BANF2: variants seen among roughly 807,000 people sequenced by gnomAD.
The protein encoded by BANF2 is BANF family member 2, also known as barrier-to-autointegration factor-like protein.
A neutral mutation model predicts 8.0 loss-of-function variants in BANF2; 4 were observed. The observed-to-expected ratio is 0.50, with a 90% CI of 0.25 to 1.14. The LOEUF (loss-of-function observed/expected upper bound fraction) is 1.14. Among genes scored for constraint, BANF2 ranks in the 50% most tolerant of loss-of-function variants. The probability of loss-of-function intolerance (pLI) is 0.16; values close to 1 mark genes in which losing one functional copy is unlikely to be tolerated. For missense variants in BANF2, 96 were observed against 107.5 expected, an observed-to-expected ratio of 0.89 and a Z score of 0.47; for synonymous variants, 50 against 40.6, an observed-to-expected ratio of 1.23 and a Z score of -0.88.
chr20:17,708,331 A>C (rs2037517023), intron 1 of BANF2, among the ~76,000 whole-genome samples: 1 of 152,232 alleles, frequency 6.6e-6, no homozygotes, highest in Non-Finnish European at 1.5e-5. Flanking sequence ...TTTTTCTTGA[A>C]GGAAGGTCCA....
At chr20:17,698,709 AC>A (rs1352225514), upstream of BANF2, among the ~76,000 whole-genome samples, 1 of 152,224 alleles carries the variant, frequency 6.6e-6, no homozygotes, top group Non-Finnish European at 1.5e-5. Context: ...TTACCTTTGT[AC>A]AATGAAGTTG....
At chr20:17,710,944 G>T (rs1278066299) in intron 1 of BANF2, among the ~76,000 whole-genome samples, 1 of 151,972 alleles carries the variant, frequency 6.6e-6, no homozygotes, top group Admixed American at 6.6e-5. Flanking sequence ...TGGGGCGGGG[G>T]CGGGGGCGCC....
At chr20:17,726,121 G>A (rs1196148428) in intron 3 of BANF2, among the ~76,000 whole-genome samples, 1 of 152,178 alleles carries the variant, frequency 6.6e-6, no homozygotes, top group African/African-American at 2.4e-5. Context: ...CCTGCCAGAC[G>A]AAGGAGGGAG....
intron 1 of BANF2, among the ~76,000 whole-genome samples, chr20:17,716,975 C>T (rs1159343966): frequency 1.3e-5 from 2 of 152,118 alleles, no homozygotes; most frequent in East Asian, 3.9e-4. Context: ...CCTTGGCCTC[C>T]CAAATTGTTG....
Position 17,702,230 on chromosome 20 carries a change from T to C in BANF2, c.-167+2175T>C, listed in dbSNP as rs141732734. ...TTTCCCTAAGGCAAACTGCCATCGATGTGCCAAGTTCCACAGTGCCTATTT... is the reference window on the plus strand; with the variant it reads ...TTTCCCTAAGGCAAACTGCCATCGACGTGCCAAGTTCCACAGTGCCTATTT... On this transcript the variant is annotated intron_variant, in intron 1 of 3. Coordinates refer to ENST00000246090, the MANE Select transcript of BANF2 (RefSeq NM_178477.5). Among the ~76,000 whole-genome samples, 668 of 152,356 alleles carry C rather than the reference T, an allele frequency of 4.4e-3. 9 individuals are homozygous for C. Among genetic ancestry groups the C allele is most frequent in the African/African-American group, 0.015 (643 of 41,588 alleles).
At chr20:17,714,860 C>T (rs1332045080) in intron 1 of BANF2, among the ~76,000 whole-genome samples, 2 of 152,116 alleles carry the variant, frequency 1.3e-5, no homozygotes. Flanking sequence ...CCAGCATTTG[C>T]TGCCAAGTAA....
intron 1 of BANF2, among the ~76,000 whole-genome samples, chr20:17,716,835 C>T (rs1298638363): frequency 1.1e-5 from 1 of 88,712 alleles, no homozygotes; most frequent in African/African-American, 4.4e-5. Context: ...GAGCAAGACT[C>T]CATCTCAAAA....
intron 3 of BANF2, among the ~76,000 whole-genome samples, chr20:17,731,780 AAG>A (rs2037899912): frequency 7.3e-6 from 1 of 136,490 alleles, no homozygotes; most frequent in Admixed American, 7.6e-5. Context: ...AAAAAAAAAA[AAG>A]TAGGCCAGGC....
intron 3 of BANF2, among the ~76,000 whole-genome samples, chr20:17,728,698 G>A (rs2037847382): frequency 6.6e-6 from 1 of 152,092 alleles, no homozygotes; most frequent in African/African-American, 2.4e-5. Context: ...GTCTGCCATG[G>A]ATCTACCTAA....
intron 1 of BANF2, among the ~76,000 whole-genome samples, chr20:17,693,997 A>C (rs1310320777): frequency 2.6e-5 from 4 of 152,362 alleles, no homozygotes; most frequent in African/African-American, 9.6e-5. Context: ...GGGTGGGAAC[A>C]AGCAGCATTT....
chr20:17,725,231 A>G, intron 3 of BANF2, 80 bp downstream of exon 3: 1 of 1,501,262 alleles, frequency 6.7e-7, no homozygotes, highest in Non-Finnish European at 9.2e-7. Flanking sequence ...AGTTCCTGCC[A>G]CGTGTCCCTG....
chr20:17,727,257 C>G (rs1440546981), intron 3 of BANF2, among the ~76,000 whole-genome samples: 3 of 152,160 alleles, frequency 2.0e-5, no homozygotes, highest in Admixed American at 1.3e-4. Flanking sequence ...GCAGTGAGCA[C>G]TTTCCTAGAG....
chr20:17,707,305 C>A (rs2037496095), intron 1 of BANF2, among the ~76,000 whole-genome samples: 1 of 150,734 alleles, frequency 6.6e-6, no homozygotes, highest in South Asian at 2.1e-4. Flanking sequence ...ATGGCGTGAA[C>A]CCAGGAGGTG....
intron 3 of BANF2, among the ~76,000 whole-genome samples, chr20:17,734,463 A>G (rs547301335): frequency 4.6e-4 from 70 of 152,338 alleles, no homozygotes; most frequent in Non-Finnish European, 5.4e-4. Flanking sequence ...AGGAAGGTGC[A>G]GAAACTGAGA....
chr20:17,727,477 C>A (rs1021799415), intron 3 of BANF2, among the ~76,000 whole-genome samples: 1 of 152,140 alleles, frequency 6.6e-6, no homozygotes, highest in Non-Finnish European at 1.5e-5. Flanking sequence ...TGTGGCCAGG[C>A]GGTTATGCCC....
chr20:17,699,663 C>T (rs897450853), upstream of BANF2, among the ~76,000 whole-genome samples: 3 of 152,166 alleles, frequency 2.0e-5, no homozygotes, highest in South Asian at 2.1e-4. Flanking sequence ...ACTGAATTGA[C>T]GCAGGCCAGG....
At chr20:17,723,724 G>A (rs2122630807) in intron 2 of BANF2, among the ~76,000 whole-genome samples, 1 of 152,342 alleles carries the variant, frequency 6.6e-6, no homozygotes, top group Admixed American at 6.5e-5. Flanking sequence ...GCCGGGCGCA[G>A]CAGCTCATGC....
At chr20:17,715,432 A>T (rs1428939382) in intron 1 of BANF2, among the ~76,000 whole-genome samples, 1 of 152,210 alleles carries the variant, frequency 6.6e-6, no homozygotes. Flanking sequence ...GTTATTCATC[A>T]CCTGTAGACC....
chr20:17,730,760 T>A (rs904791353), intron 3 of BANF2, among the ~76,000 whole-genome samples: 2 of 152,204 alleles, frequency 1.3e-5, no homozygotes, highest in African/African-American at 4.8e-5. Flanking sequence ...CTCCAACTCC[T>A]TTCTGTCCAC....
Sources: gnomAD v4.1 joint callset for allele counts (sites outside exome capture counted in the v4.1 genomes callset) on GRCh38, gnomAD v4.1.1 for gene constraint, MANE v1.5 for transcripts, NCBI Gene and HGNC (gene_info 2026-07-23, HGNC 2026-07-21) for gene names.